The following SLC24A3 variants were observed in gnomAD, a reference collection of about 807,000 sequenced individuals.
The protein encoded by SLC24A3 is solute carrier family 24 member 3.
SLC24A3 carries 28 observed loss-of-function variants against 75.8 expected under a neutral mutation model. The observed-to-expected ratio is 0.37, with a 90% CI of 0.27 to 0.51. The LOEUF (loss-of-function observed/expected upper bound fraction) is 0.51, where lower values mean the gene tolerates loss of function less well. SLC24A3 is among the 20% of genes least tolerant of loss of function. The pLI, the probability that SLC24A3 is intolerant of heterozygous loss-of-function variation, is 0.94. For synonymous variants in SLC24A3, 372 were observed against 334.1 expected (o/e 1.11, Z -1.24); for missense variants, 663 against 847.8 (o/e 0.78, Z 2.71).
Position 19,688,241 on chromosome 20 carries a change from C to T in SLC24A3, c.1324+2880C>T, listed in dbSNP as rs141126324. Among the ~76,000 whole-genome samples, 6 of 152,322 alleles carry T rather than the reference C, an allele frequency of 3.9e-5. No individual in the cohort carries two copies. In the East Asian group the frequency reaches 9.7e-4, roughly 25 times the overall value. On this transcript the variant is annotated intron_variant, in intron 12 of 16. Coordinates refer to ENST00000328041, the MANE Select transcript of SLC24A3 (RefSeq NM_020689.4). ...GCTGCCCCCCATCCTGTGACACTGA[C>T]GCTGCTGGTCTGTGTGCCACACTTG...
At chr20:19,695,861 T>C (rs1341505937) in intron 13 of SLC24A3, among the ~76,000 whole-genome samples, 1 of 152,158 alleles carries the variant, frequency 6.6e-6, no homozygotes, top group Non-Finnish European at 1.5e-5. Flanking sequence ...ATGTGGAGTT[T>C]GACTTTCTGT....
In SLC24A3 at chr20:19,573,728, C is replaced by T. The variant is rs908675242; in HGVS notation, c.349-6272C>T. Among the ~76,000 whole-genome samples the T allele has an allele frequency of 3.3e-5, 5 of 152,212 alleles. No individual in the cohort carries two copies. The East Asian group carries it at 5.8e-4, about 18-fold the overall frequency. On this transcript the variant is annotated intron_variant, in intron 3 of 16. Coordinates refer to ENST00000328041, the MANE Select transcript of SLC24A3 (RefSeq NM_020689.4). The stretch of plus-strand genomic sequence containing the variant: ...CAGACATCACATCCAAGTTGCACGC[C>T]GGAAGATAGGGTGACTTTAGCTGGA...
intron 2 of SLC24A3, among the ~76,000 whole-genome samples, chr20:19,374,674 C>G (rs1986050965): frequency 6.6e-6 from 1 of 152,226 alleles, no homozygotes; most frequent in Admixed American, 6.5e-5. Flanking sequence ...CAATGTGAAG[C>G]TCAGGTATGG....
intron 3 of SLC24A3, among the ~76,000 whole-genome samples, chr20:19,537,406 G>A (rs2030418413): frequency 1.3e-5 from 2 of 152,136 alleles, no homozygotes; most frequent in South Asian, 2.1e-4. Context: ...TGGAGAAACA[G>A]GAACACTTTT....
At chr20:19,445,810 A>C (rs779687607) in intron 2 of SLC24A3, among the ~76,000 whole-genome samples, 3 of 152,192 alleles carry the variant, frequency 2.0e-5, no homozygotes, top group Non-Finnish European at 4.4e-5. Context: ...GACATGGTCA[A>C]GGTGAGGAGA....
intron 6 of SLC24A3, among the ~76,000 whole-genome samples, chr20:19,621,347 A>C (rs1174182651): frequency 6.6e-6 from 1 of 152,116 alleles, no homozygotes; most frequent in Non-Finnish European, 1.5e-5. Context: ...TCCCCTCAAC[A>C]GTAACCCCTT....
intron 3 of SLC24A3, among the ~76,000 whole-genome samples, chr20:19,544,932 C>T (rs1387497668): frequency 6.6e-6 from 1 of 152,116 alleles, no homozygotes; most frequent in Admixed American, 6.5e-5. Context: ...ATAAGGGAAA[C>T]GAGCAGGGAA....
intron 2 of SLC24A3, among the ~76,000 whole-genome samples, chr20:19,442,942 A>G (rs1987319980): frequency 6.6e-6 from 1 of 152,166 alleles, no homozygotes; most frequent in African/African-American, 2.4e-5. Flanking sequence ...CCATTTATTA[A>G]ATACTGTCTT....
intron 4 of SLC24A3, among the ~76,000 whole-genome samples, chr20:19,583,955 T>G (rs1600290320): frequency 6.6e-6 from 1 of 152,096 alleles, no homozygotes; most frequent in Non-Finnish European, 1.5e-5. Context: ...GGTCACTCAA[T>G]GGAGGCCAGT....
chr20:19,491,370 G>A (rs1185962771), intron 2 of SLC24A3, among the ~76,000 whole-genome samples: 1 of 152,226 alleles, frequency 6.6e-6, no homozygotes, highest in African/African-American at 2.4e-5. Context: ...CTTTCGACAT[G>A]CTTGGTTCCC....
chr20:19,398,311 A>G (rs1449692889), intron 2 of SLC24A3, among the ~76,000 whole-genome samples: 1 of 152,130 alleles, frequency 6.6e-6, no homozygotes, highest in African/African-American at 2.4e-5. Context: ...ACACATGAAT[A>G]TGGTATATTG....
intron 15 of SLC24A3, among the ~76,000 whole-genome samples, chr20:19,703,075 G>A (rs1009699485): frequency 1.3e-5 from 2 of 152,098 alleles, no homozygotes; most frequent in African/African-American, 2.4e-5. Flanking sequence ...GGGGAGTGAG[G>A]GTCATAAAAT....
At chr20:19,695,673 G>A (rs116339287) in intron 13 of SLC24A3, 3 of 152,090 alleles carry the variant, frequency 2.0e-5, no homozygotes, top group Non-Finnish European at 4.4e-5. Context: ...ACTTCATTCC[G>A]TGCTGAATTT....
At chr20:19,281,503 C>T (rs1000319222) in intron 2 of SLC24A3, among the ~76,000 whole-genome samples, 3 of 152,136 alleles carry the variant, frequency 2.0e-5, no homozygotes, top group Admixed American at 1.3e-4. Context: ...TGGGCCGGAT[C>T]GTCACTCACG....
intron 3 of SLC24A3, among the ~76,000 whole-genome samples, chr20:19,531,243 T>G (rs2030293375): frequency 6.6e-6 from 1 of 152,198 alleles, no homozygotes; most frequent in African/African-American, 2.4e-5. Flanking sequence ...AAGTGGGTAT[T>G]GAGTGCATCA....
chr20:19,531,151 T>C (rs2030291339), intron 3 of SLC24A3, among the ~76,000 whole-genome samples: 1 of 152,028 alleles, frequency 6.6e-6, no homozygotes, highest in African/African-American at 2.4e-5. Flanking sequence ...CTGATGTTTA[T>C]TGCTGCTCTG....
chr20:19,224,660 T>C (rs1981828456), intron 1 of SLC24A3, among the ~76,000 whole-genome samples: 1 of 152,222 alleles, frequency 6.6e-6, no homozygotes, highest in South Asian at 2.1e-4. Context: ...AATATTACTT[T>C]CACCATTATC....
intron 1 of SLC24A3, among the ~76,000 whole-genome samples, chr20:19,232,708 G>A (rs968660706): frequency 6.6e-6 from 1 of 152,208 alleles, no homozygotes; most frequent in African/African-American, 2.4e-5. Flanking sequence ...AGAGAACTCT[G>A]TTGGCTAAGC....
chr20:19,276,895 AATTAAAAAAAAAAAAAATTGACCACTCTT>A (rs1405989724), intron 1 of SLC24A3, among the ~76,000 whole-genome samples: 1 of 151,600 alleles, frequency 6.6e-6, no homozygotes, highest in African/African-American at 2.4e-5. Flanking sequence ...CCATGTCTCT[AATTAAAAAAAAAAAAAATTGACCACTCTT>A]ATATATGCCC....
Sources: allele counts gnomAD v4.1 joint callset (sites outside exome capture counted in the v4.1 genomes callset), GRCh38; gene constraint gnomAD v4.1.1; transcripts MANE v1.5; gene names NCBI Gene and HGNC (gene_info 2026-07-23, HGNC 2026-07-21).